UBE2K: variants seen among roughly 807,000 people sequenced by gnomAD.
UBE2K encodes ubiquitin conjugating enzyme E2 K, also known as ubiquitin-conjugating enzyme E2 K.
A neutral mutation model predicts 30.0 loss-of-function variants in UBE2K; 6 were observed. The ratio of observed to expected loss-of-function variants is 0.20; its 90% confidence interval spans 0.11 to 0.39. The LOEUF is 0.39. Ranked by LOEUF, UBE2K falls within the 10% of genes least tolerant of loss-of-function variation. The probability of loss-of-function intolerance (pLI) is 1.00; values close to 1 mark genes in which losing one functional copy is unlikely to be tolerated. For missense variants in UBE2K, 61 were observed against 241.6 expected (o/e 0.25, Z 4.96); for synonymous variants, 86 against 83.7 (o/e 1.03, Z -0.15).
At position 39,706,222 on chromosome 4, in the gene UBE2K, TAGTC is replaced by T. The variant is rs1304139973; in HGVS notation, c.63+7835_63+7838del. Among the ~76,000 whole-genome samples, 4 of 152,122 alleles carry T rather than the reference TAGTC, an allele frequency of 2.6e-5. No homozygotes were observed. The South Asian group carries it at 6.2e-4, about 24-fold the overall frequency. On this transcript the variant is annotated intron_variant, in intron 1 of 6. Transcript: ENST00000261427. ...TAGTAGAGACGGGGTTTCACCGTGT[TAGTC>T]AGGATGGTCTCGATCTCCTGACCTC...
At position 39,717,791 on chromosome 4, in the gene UBE2K, G is replaced by A. The variant is rs1040336562; in HGVS notation, c.63+19401G>A. On this transcript the variant is annotated intron_variant, in intron 1 of 6. Transcript: ENST00000261427. ...TTTGTTCCTTCTGATGTTCGGTTGTGTTCGGAGTTTCTTCCTTCTGGTGGG... is the reference window on the plus strand; with the variant it reads ...TTTGTTCCTTCTGATGTTCGGTTGTATTCGGAGTTTCTTCCTTCTGGTGGG... 5.3e-5 allele frequency among the ~76,000 whole-genome samples: 8 copies of A among 152,160 alleles called. No homozygotes were observed. In the South Asian group the frequency reaches 1.2e-3, roughly 24 times the overall value.
At chr4:39,770,288 G>T (rs191907054) in intron 4 of UBE2K, 1 of 1,611,520 alleles carries the variant, frequency 6.2e-7, no homozygotes, top group East Asian at 2.2e-5. Flanking sequence ...ACTTGCCGCA[G>T]ATGCCGCACG....
chr4:39,725,581 G>C (rs779799385), intron 1 of UBE2K, among the ~76,000 whole-genome samples: 14 of 152,082 alleles, frequency 9.2e-5, no homozygotes, highest in Non-Finnish European at 5.9e-5. Context: ...TAAAACTCCA[G>C]TTGGTTAACC....
rs752943486 is a variant in UBE2K, at chr4:39,777,664, A to AT, written c.400-13dup. The AT allele has an allele frequency of 1.8e-5, 28 of 1,529,334 alleles. No individual in the cohort carries two copies. The highest frequency in any genetic ancestry group is 5.1e-5 in the Admixed American group (2 of 39,168). 94.7% of individuals were successfully genotyped at this position (1,529,334 alleles called of 1,614,324 possible). A position where few individuals can be genotyped will look rare whatever the true frequency, so the allele number is the denominator to read the frequency against. ...TATAACTGTAATGTCATGTCAATCA[A>AT]TTTTTCCCCCCATATAGTACAAACA... On this transcript the variant is annotated splice_polypyrimidine_tract_variant and intron_variant, in intron 5 of 6. Coordinates refer to ENST00000261427, the MANE Select transcript of UBE2K (RefSeq NM_005339.5).
At chr4:39,769,570 C>G (rs1712604932) in intron 4 of UBE2K, among the ~76,000 whole-genome samples, 2 of 151,954 alleles carry the variant, frequency 1.3e-5, no homozygotes, top group Non-Finnish European at 1.5e-5. Flanking sequence ...AACTGTCTCC[C>G]CCTTCCTTTT....
chr4:39,776,893 T>C (rs1321487236), intron 5 of UBE2K, among the ~76,000 whole-genome samples: 1 of 152,190 alleles, frequency 6.6e-6, no homozygotes, highest in African/African-American at 2.4e-5. Flanking sequence ...AAGGGTTTCT[T>C]TTAGCTCCTA....
intron 3 of UBE2K, among the ~76,000 whole-genome samples, chr4:39,748,376 G>A (rs1344115028): frequency 6.6e-6 from 1 of 152,080 alleles, no homozygotes; most frequent in East Asian, 1.9e-4. Flanking sequence ...TTACAGGCGT[G>A]AACCACCACA....
chr4:39,701,824 G>A (rs951404770), intron 1 of UBE2K, among the ~76,000 whole-genome samples: 15 of 151,140 alleles, frequency 9.9e-5, no homozygotes, highest in African/African-American at 3.4e-4. Context: ...GCAGTGGTGC[G>A]ATCTCAGCTC....
intron 4 of UBE2K, among the ~76,000 whole-genome samples, chr4:39,764,039 T>A (rs770789823): frequency 6.6e-6 from 1 of 152,202 alleles, no homozygotes; most frequent in Non-Finnish European, 1.5e-5. Flanking sequence ...ACCTCAATTA[T>A]TGAACTAATT....
At chr4:39,770,580 A>C in intron 4 of UBE2K, 1 of 1,583,278 alleles carries the variant, frequency 6.3e-7, no homozygotes, top group Non-Finnish European at 8.6e-7. Flanking sequence ...GGTGGCCCCC[A>C]CGCTGGCCCG....
chr4:39,741,672 G>A (rs1720711237), intron 2 of UBE2K, among the ~76,000 whole-genome samples: 1 of 152,268 alleles, frequency 6.6e-6, no homozygotes, highest in African/African-American at 2.4e-5. Flanking sequence ...CCATATTGTG[G>A]ATGTTACTTA....
intron 1 of UBE2K, among the ~76,000 whole-genome samples, chr4:39,709,027 G>GA (rs1560340075): frequency 6.6e-6 from 1 of 151,376 alleles, no homozygotes; most frequent in Non-Finnish European, 1.5e-5. Context: ...AGTAATTAAG[G>GA]GCGTGGGCTT....
At chr4:39,717,903 G>C (rs371163672) in intron 1 of UBE2K, among the ~76,000 whole-genome samples, 2 of 146,616 alleles carry the variant, frequency 1.4e-5, no homozygotes, top group Admixed American at 6.7e-5. Context: ...GGAGTTGTTC[G>C]TTCCTCCCGG....
chr4:39,771,119 TG>T, intron 4 of UBE2K: 1 of 1,612,516 alleles, frequency 6.2e-7, no homozygotes, highest in Non-Finnish European at 8.5e-7. Context: ...AGGTAGGAGG[TG>T]GCTGTAAGAT....
chr4:39,729,115 C>G (rs28637149), intron 1 of UBE2K, among the ~76,000 whole-genome samples: 3 of 151,798 alleles, frequency 2.0e-5, no homozygotes, highest in Non-Finnish European at 4.4e-5. Context: ...ATTACAGGCA[C>G]GCACCACCAT....
At chr4:39,764,921 CTG>C (rs1712216895) in intron 4 of UBE2K, among the ~76,000 whole-genome samples, 3 of 149,570 alleles carry the variant, frequency 2.0e-5, no homozygotes, top group Admixed American at 1.3e-4. Flanking sequence ...GAGTCTCACT[CTG>C]TGGCCCAGGC....
intron 1 of UBE2K, among the ~76,000 whole-genome samples, chr4:39,708,483 C>A (rs1483671017): frequency 6.6e-6 from 1 of 151,972 alleles, no homozygotes; most frequent in Non-Finnish European, 1.5e-5. Flanking sequence ...TTCCCAGTAC[C>A]ATGGGAATCT....
intron 4 of UBE2K, among the ~76,000 whole-genome samples, chr4:39,761,478 G>A (rs531515052): frequency 1.3e-5 from 2 of 152,288 alleles, no homozygotes; most frequent in East Asian, 3.9e-4. Context: ...CCTTATGAAT[G>A]AATATATGAA....
rs1261002842 is a variant in UBE2K, at chr4:39,742,515, T to G, written c.158-3237T>G. Among the ~76,000 whole-genome samples the G allele has an allele frequency of 4.6e-5, 7 of 151,898 alleles. No homozygotes were observed. In the South Asian group the frequency reaches 1.3e-3, roughly 27 times the overall value. On this transcript the variant is annotated intron_variant, in intron 2 of 6. Transcript: ENST00000261427. ...ACTTTGGGAGGCTGAGGCGGGTAGA[T>G]TATTTGAGGTCAGGAGTTTGAGACC...
Sources: gnomAD v4.1 joint callset for allele counts (sites outside exome capture counted in the v4.1 genomes callset) on GRCh38, gnomAD v4.1.1 for gene constraint, MANE v1.5 for transcripts, NCBI Gene and HGNC (gene_info 2026-07-23, HGNC 2026-07-21) for gene names.